The following CCDC149 variants were observed in gnomAD, a reference collection of about 807,000 sequenced individuals.
The protein encoded by CCDC149 is coiled-coil domain-containing protein 149.
Under a neutral mutation model 59.9 loss-of-function variants are expected in CCDC149, and 45 were observed. That is an observed-to-expected ratio of 0.75 (90% CI 0.59 to 0.96). CCDC149 has a LOEUF of 0.96. CCDC149 is among the 40% of genes least tolerant of loss of function. The pLI is 0.00. For missense variants in CCDC149, 584 were observed against 664.7 expected (o/e 0.88, Z 1.33); for synonymous variants, 245 against 260.6 (o/e 0.94, Z 0.58).
chr4:24,910,119 A>T (rs566548438), intron 1 of CCDC149, among the ~76,000 whole-genome samples: 4 of 152,308 alleles, frequency 2.6e-5, no homozygotes, highest in African/African-American at 9.6e-5. Flanking sequence ...TTGAGGGAGA[A>T]TCTGCCTCTT....
At chr4:24,853,340 C>G (rs1005787929) in intron 3 of CCDC149, 161 bp from the exon 4 acceptor site, 19 of 624,290 alleles carry the variant, frequency 3.0e-5, no homozygotes, top group Middle Eastern at 3.6e-4. Flanking sequence ...GTGAATCACA[C>G]CACTACAATG....
intron 1 of CCDC149, among the ~76,000 whole-genome samples, chr4:24,949,574 G>A (rs1440040062): frequency 6.6e-6 from 1 of 152,172 alleles, no homozygotes; most frequent in African/African-American, 2.4e-5. Flanking sequence ...AGGTTCTGAG[G>A]TTAAGGGGTA....
At chr4:24,967,254 C>T (rs957335312) in intron 1 of CCDC149, among the ~76,000 whole-genome samples, 10 of 152,108 alleles carry the variant, frequency 6.6e-5, no homozygotes, top group Non-Finnish European at 1.0e-4. Context: ...GTTACTTCCA[C>T]CCATCAATAC....
chr4:24,808,784 C>T lies in CCDC149; in HGVS notation c.1228G>A (p.Ala410Thr). ...GGCGCTGTCAACGCCTCAGCAGCGG[C>T]ACAACTTTCATCTTCTTCTTGCTTC... The change falls in exon 13 of 13, where the codon GCC (alanine) becomes ACC (threonine). Residue 410 changes from alanine to threonine, a missense_variant. Physicochemically the swap from Ala to Thr is moderately conservative, Grantham distance 58. Coordinates refer to ENST00000635206, the MANE Select transcript of CCDC149 (RefSeq NM_001330643.2). 3 of 1,550,868 alleles carry T rather than the reference C, an allele frequency of 1.9e-6. 1 individual carries two copies. In the Middle Eastern group the frequency reaches 5.0e-4, roughly 259 times the overall value.
chr4:24,807,995 C>CCCA lies in CCDC149; in HGVS notation c.*391_*393dup, dbSNP rs1317056495. The CCCA allele has an allele frequency of 6.5e-6, 1 of 154,994 alleles. No individual in the cohort carries two copies. The highest frequency in any genetic ancestry group is 1.4e-5 in the Non-Finnish European group (1 of 70,124). The allele number at this position is 154,994 out of a possible 1,614,324, so 9.6% of individuals were successfully genotyped here. ...CCAAGATGGGGACCTGATTAAAAACCCCATCAGTTTCTAGCTCTTCCCATA... is the reference window on the plus strand; with the variant it reads ...CCAAGATGGGGACCTGATTAAAAACCCCACCATCAGTTTCTAGCTCTTCCCATA... On this transcript the variant is annotated 3_prime_UTR_variant, in exon 13 of 13. Transcript: ENST00000635206.
downstream of CCDC149, among the ~76,000 whole-genome samples, chr4:24,804,986 C>G (rs973525997): frequency 6.6e-6 from 1 of 151,892 alleles, no homozygotes; most frequent in African/African-American, 2.4e-5. Flanking sequence ...AGAGAAGGAA[C>G]GGGGAGGGGA....
At chr4:24,936,488 A>G (rs1415308266) in intron 1 of CCDC149, among the ~76,000 whole-genome samples, 1 of 152,196 alleles carries the variant, frequency 6.6e-6, no homozygotes, top group Non-Finnish European at 1.5e-5. Context: ...ATGCATGTAT[A>G]TATAGTATCA....
chr4:24,813,489 A>AATATATCTAT (rs1186488610), intron 12 of CCDC149, among the ~76,000 whole-genome samples: 15 of 113,722 alleles, frequency 1.3e-4, no homozygotes, highest in African/African-American at 5.6e-4. Flanking sequence ...CAGCTTGGGG[A>AATATATCTAT]ATATATATAT....
At chr4:24,940,619 A>G (rs1181620481) in intron 1 of CCDC149, among the ~76,000 whole-genome samples, 1 of 152,276 alleles carries the variant, frequency 6.6e-6, no homozygotes, top group Non-Finnish European at 1.5e-5. Context: ...TAAAGAGTCA[A>G]GACCCATCAG....
At chr4:24,964,023 T>C (rs1308722082) in intron 1 of CCDC149, among the ~76,000 whole-genome samples, 1 of 152,038 alleles carries the variant, frequency 6.6e-6, no homozygotes, top group African/African-American at 2.4e-5. Flanking sequence ...AGTGAGATTC[T>C]ATCTCTACGA....
rs138575087 is a variant in CCDC149, at chr4:24,958,278, GA to G, written c.-65+21790del. Among the ~76,000 whole-genome samples, 642 of 152,266 alleles carry G rather than the reference GA, an allele frequency of 4.2e-3. 11 individuals are homozygous for G. Among genetic ancestry groups the G allele is most frequent in the African/African-American group, 0.015 (615 of 41,552 alleles). On this transcript the variant is annotated intron_variant, in intron 1 of 12. Transcript: ENST00000389609. ...TTGAAGCAAATTGATTATACCAGAA[GA>G]CTTTCCTTTGGAAACGGCAGTGCTT...
rs532731947 is a variant in CCDC149, at chr4:24,904,079, C to T, written c.63+8738G>A. 2.0e-4 allele frequency among the ~76,000 whole-genome samples: 30 copies of T among 152,298 alleles called. 1 individual carries two copies. Among genetic ancestry groups the T allele is most frequent in the African/African-American group, 2.4e-5 (1 of 41,570 alleles). On this transcript the variant is annotated intron_variant, in intron 1 of 12. Coordinates refer to ENST00000635206, the MANE Select transcript of CCDC149 (RefSeq NM_001330643.2). ...CCTCCCAAAGTGCTGCGATTACAGGCGTGAGCCACCGTGCCTAGCCTTAAT... is the reference window on the plus strand; with the variant it reads ...CCTCCCAAAGTGCTGCGATTACAGGTGTGAGCCACCGTGCCTAGCCTTAAT...
At position 24,808,589 on chromosome 4, in the gene CCDC149, C is replaced by A; in HGVS notation, c.1423G>T (p.Glu475Ter). 1 of 1,552,158 alleles carries A rather than the reference C, an allele frequency of 6.4e-7. No homozygotes were observed. Among genetic ancestry groups the A allele is most frequent in the Non-Finnish European group, 8.7e-7 (1 of 1,147,098 alleles). Residue 475 changes from glutamate to a stop codon, truncating the protein, a stop_gained, in exon 13 of 13, where the codon GAG becomes TAG. Coordinates refer to ENST00000635206, the MANE Select transcript of CCDC149 (RefSeq NM_001330643.2). LOFTEE classifies it low-confidence loss of function (END_TRUNC). Reference sequence around the variant, plus strand: ...TCTATGGGACTCTCTCTTCTGACCTCTTCCAGTTCTGCAGCTGCCTGTTCC... The same window carrying A: ...TCTATGGGACTCTCTCTTCTGACCTATTCCAGTTCTGCAGCTGCCTGTTCC...
At chr4:24,843,455 C>T (rs1717063922) in intron 4 of CCDC149, among the ~76,000 whole-genome samples, 1 of 152,156 alleles carries the variant, frequency 6.6e-6, no homozygotes, top group African/African-American at 2.4e-5. Context: ...TCCTCCACAT[C>T]CTCTCCAAAT....
intron 7 of CCDC149, 80 bp downstream of exon 7, chr4:24,836,356 C>G: frequency 1.0e-6 from 1 of 970,306 alleles, no homozygotes; most frequent in Non-Finnish European, 1.7e-6. Context: ...ATATCTTTGG[C>G]ACATAGAAGG....
chr4:24,861,974 A>G (rs144212431), intron 3 of CCDC149, among the ~76,000 whole-genome samples: 1 of 152,286 alleles, frequency 6.6e-6, no homozygotes, highest in East Asian at 1.9e-4. Flanking sequence ...TTTCTGTCTA[A>G]AAGCAGACAT....
intron 12 of CCDC149, among the ~76,000 whole-genome samples, chr4:24,819,610 T>C (rs1234991083): frequency 6.6e-6 from 1 of 152,192 alleles, no homozygotes; most frequent in Non-Finnish European, 1.5e-5. Flanking sequence ...TGTGAGCCAC[T>C]GCACCTGGCA....
intron 1 of CCDC149, among the ~76,000 whole-genome samples, chr4:24,971,438 T>C (rs28778145): frequency 0.028 from 4,209 of 152,218 alleles, 170 homozygotes; most frequent in African/African-American, 0.095. Context: ...AGGTTAGGAG[T>C]GCAGGTGCAC....
At chr4:24,835,175 C>T (rs983666134) in intron 7 of CCDC149, 143 bp from the exon 8 acceptor site, 12 of 556,620 alleles carry the variant, frequency 2.2e-5, no homozygotes, top group African/African-American at 7.6e-5. Context: ...TCCAAGTCTA[C>T]GCCCAAGAGT....
Sources: gnomAD v4.1 joint callset for allele counts (sites outside exome capture counted in the v4.1 genomes callset) on GRCh38, gnomAD v4.1.1 for gene constraint, MANE v1.5 for transcripts, NCBI Gene and HGNC (gene_info 2026-07-23, HGNC 2026-07-21) for gene names.